CDH13: variants seen among roughly 807,000 people sequenced by gnomAD.
CDH13 encodes cadherin-13.
Under a neutral mutation model 63.8 loss-of-function variants are expected in CDH13, and 24 were observed. The ratio of observed to expected loss-of-function variants is 0.38; its 90% CI spans 0.27 to 0.53. The LOEUF (loss-of-function observed/expected upper bound fraction) is 0.53, where lower values mean the gene tolerates loss of function less well. Ranked by LOEUF, CDH13 falls within the 20% of genes least tolerant of loss-of-function variation. The probability of loss-of-function intolerance (pLI) is 0.85; values close to 1 mark genes in which losing one functional copy is unlikely to be tolerated. For missense variants in CDH13, 1,049 were observed against 903.1 expected, an observed-to-expected ratio of 1.16 and a Z score of -2.07; for synonymous variants, 503 against 355.3, an observed-to-expected ratio of 1.42 and a Z score of -4.67.
chr16:82,967,685 G>A (rs1403635497), intron 2 of CDH13, among the ~76,000 whole-genome samples: 1 of 152,170 alleles, frequency 6.6e-6, no homozygotes, highest in Non-Finnish European at 1.5e-5. Context: ...TTCACAGTTG[G>A]TTCCGGCAGT....
chr16:83,443,225 G>A lies in CDH13; in HGVS notation c.782-43252G>A, dbSNP rs112126948. On this transcript the variant is annotated intron_variant, in intron 6 of 13. Coordinates refer to ENST00000567109, the MANE Select transcript of CDH13 (RefSeq NM_001257.5). ...TCCCACAGTGATGCTTAGAATGGTGGATGGAGTTCTAGCTGCGTTTTTGCT... is the reference window on the plus strand; with the variant it reads ...TCCCACAGTGATGCTTAGAATGGTGAATGGAGTTCTAGCTGCGTTTTTGCT... Among the ~76,000 whole-genome samples, 519 of 152,290 alleles carry A rather than the reference G, an allele frequency of 3.4e-3. 2 individuals are homozygous for A. The highest frequency in any genetic ancestry group is 0.012 in the African/African-American group (488 of 41,570).
At chr16:83,524,620 T>C (rs552453651) in intron 7 of CDH13, among the ~76,000 whole-genome samples, 1 of 152,004 alleles carries the variant, frequency 6.6e-6, no homozygotes, top group African/African-American at 2.4e-5. Flanking sequence ...ACCCAGCTAA[T>C]TTTTTGTACT....
At chr16:83,211,656 C>G (rs565750508) in intron 4 of CDH13, among the ~76,000 whole-genome samples, 52 of 152,256 alleles carry the variant, frequency 3.4e-4, no homozygotes, top group African/African-American at 1.2e-3. Flanking sequence ...TGAGAACACC[C>G]TTAAAATCAA....
chr16:82,964,737 AT>A (rs1907560068), intron 2 of CDH13, among the ~76,000 whole-genome samples: 1 of 152,226 alleles, frequency 6.6e-6, no homozygotes, highest in South Asian at 2.1e-4. Context: ...AAAAAGTAAA[AT>A]ATAACCTACA....
In CDH13 at chr16:82,705,733, T is replaced by G. The variant is rs369307993; in HGVS notation, c.45+78596T>G. 2.0e-5 allele frequency among the ~76,000 whole-genome samples: 3 copies of G among 152,196 alleles called. No homozygotes were observed. The East Asian group carries it at 5.8e-4, about 29-fold the overall frequency. On this transcript the variant is annotated intron_variant, in intron 1 of 13. Coordinates refer to ENST00000567109, the MANE Select transcript of CDH13 (RefSeq NM_001257.5). ...AAAATCAATAATGCTTTAAGAAGAT[T>G]AAGAGGCTGTGCTTATGTCAGCCTT...
Position 82,826,205 on chromosome 16 carries a change from T to A in CDH13, c.46-32157T>A, listed in dbSNP as rs184343534. ...TCTACTAACAGGAGATGCCTCTGAT[T>A]CTGAAGTACTTTGCGATAAACAGCC... On this transcript the variant is annotated intron_variant, in intron 1 of 13. Transcript: ENST00000567109. The A allele has an allele frequency of 3.3e-3, 499 of 152,280 alleles. 2 individuals carry two copies. Among genetic ancestry groups the A allele is most frequent in the Admixed American group, 7.3e-3 (112 of 15,290 alleles). The allele number at this position is 152,280 out of a possible 1,614,324, so 9.4% of individuals were successfully genotyped here.
intron 5 of CDH13, among the ~76,000 whole-genome samples, chr16:83,312,446 AG>A (rs757724007): frequency 2.6e-5 from 4 of 152,226 alleles, no homozygotes; most frequent in Admixed American, 6.5e-5. Context: ...ACTGTCTCTT[AG>A]GCAGAACCAA....
chr16:82,761,637 TAA>T (rs2034861597), intron 1 of CDH13, among the ~76,000 whole-genome samples: 1 of 152,208 alleles, frequency 6.6e-6, no homozygotes, highest in Non-Finnish European at 1.5e-5. Context: ...TAGATATAAT[TAA>T]AAGTCACATA....
intron 6 of CDH13, among the ~76,000 whole-genome samples, chr16:83,370,932 A>G (rs1332979899): frequency 6.6e-6 from 1 of 152,186 alleles, no homozygotes; most frequent in Non-Finnish European, 1.5e-5. Context: ...GCAGTGAAAA[A>G]ATGCTCAACA....
intron 3 of CDH13, among the ~76,000 whole-genome samples, chr16:83,050,435 C>T (rs1344536932): frequency 6.6e-6 from 1 of 152,154 alleles, no homozygotes; most frequent in Non-Finnish European, 1.5e-5. Flanking sequence ...TTGAAATGCT[C>T]TTCCGTTTGC....
intron 1 of CDH13, among the ~76,000 whole-genome samples, chr16:82,658,976 C>G (rs542003848): frequency 6.6e-6 from 1 of 152,286 alleles, no homozygotes; most frequent in African/African-American, 2.4e-5. Context: ...AAAGCTGACT[C>G]TATGTCTTGT....
chr16:82,883,552 A>G (rs2151208454), intron 2 of CDH13, among the ~76,000 whole-genome samples: 1 of 152,272 alleles, frequency 6.6e-6, no homozygotes, highest in East Asian at 1.9e-4. Flanking sequence ...GAAATAGCAA[A>G]CCCATGCTTT....
chr16:83,062,961 C>CTT (rs1567794051), intron 3 of CDH13, among the ~76,000 whole-genome samples: 11 of 109,504 alleles, frequency 1.0e-4, no homozygotes, highest in Admixed American at 1.7e-4. Flanking sequence ...TGGTGGTTGG[C>CTT]ATTTTTTTTT....
intron 1 of CDH13, among the ~76,000 whole-genome samples, chr16:82,688,749 G>C (rs1915338476): frequency 6.6e-6 from 1 of 152,134 alleles, no homozygotes; most frequent in South Asian, 2.1e-4. Context: ...TAAGGAATTT[G>C]TTGTTATTGT....
At chr16:83,568,928 C>T (rs1904323304) in intron 7 of CDH13, among the ~76,000 whole-genome samples, 1 of 152,090 alleles carries the variant, frequency 6.6e-6, no homozygotes, top group Admixed American at 6.5e-5. Flanking sequence ...CACTTCCATC[C>T]ATTCTCTCAC....
chr16:83,776,305 A>G (rs543905921), intron 11 of CDH13, among the ~76,000 whole-genome samples: 1 of 152,356 alleles, frequency 6.6e-6, no homozygotes, highest in African/African-American at 2.4e-5. Flanking sequence ...TTCTTCCGAG[A>G]TATTCAATTA....
chr16:82,745,633 G>A (rs546245315), intron 1 of CDH13, among the ~76,000 whole-genome samples: 1 of 152,204 alleles, frequency 6.6e-6, no homozygotes, highest in Admixed American at 6.5e-5. Flanking sequence ...CCATATGTAT[G>A]TGGTTCCATC....
At chr16:83,252,128 A>ACACACACACG (rs1202977200) in intron 5 of CDH13, among the ~76,000 whole-genome samples, 2 of 101,170 alleles carry the variant, frequency 2.0e-5, no homozygotes, top group Non-Finnish European at 3.9e-5. Context: ...ACACACACAC[A>ACACACACACG]CATATATATG....
At chr16:82,875,495 A>C (rs2040473878) in intron 2 of CDH13, among the ~76,000 whole-genome samples, 1 of 152,254 alleles carries the variant, frequency 6.6e-6, no homozygotes, top group Admixed American at 6.5e-5. Flanking sequence ...CCATGGGCTT[A>C]AGCAATGGGA....
Sources: gnomAD v4.1 joint callset for allele counts (sites outside exome capture counted in the v4.1 genomes callset) on GRCh38, gnomAD v4.1.1 for gene constraint, MANE v1.5 for transcripts, NCBI Gene and HGNC (gene_info 2026-07-23, HGNC 2026-07-21) for gene names.